CSDE1: variants seen among roughly 807,000 people sequenced by gnomAD.
CSDE1 encodes cold shock domain-containing protein E1.
In CSDE1, 17 loss-of-function variants were observed where a neutral mutation model predicts 89.3. The ratio of observed to expected loss-of-function variants is 0.19; its 90% CI spans 0.13 to 0.29. The LOEUF (loss-of-function observed/expected upper bound fraction) is 0.29, where lower values mean the gene tolerates loss of function less well. Among genes scored for constraint, CSDE1 ranks in the 10% least tolerant of loss-of-function variants. The pLI is 1.00. For missense variants in CSDE1, 672 were observed against 984.2 expected (o/e 0.68, Z 4.24); for synonymous variants, 322 against 332.8 (o/e 0.97, Z 0.35).
intron 6 of CSDE1, 91 bp downstream of exon 6, chr1:114,736,667 C>A: frequency 2.7e-6 from 2 of 727,488 alleles, no homozygotes; most frequent in South Asian, 3.6e-5. Flanking sequence ...TCCAGACTTA[C>A]AAGTTAGGTT....
rs6851 is a variant in CSDE1, at chr1:114,718,022, C to A, written c.*147G>T. ...TTTATTTATTTTTTTAAACATAACA[C>A]GAGGAAGGTGTTAAAACTGGTGTAA... On this transcript the variant is annotated 3_prime_UTR_variant, in exon 20 of 20. Coordinates refer to ENST00000358528, the MANE Select transcript of CSDE1 (RefSeq NM_001007553.3). 6 of 710,900 alleles carry A rather than the reference C, an allele frequency of 8.4e-6. No homozygotes were observed. Among genetic ancestry groups the A allele is most frequent in the Non-Finnish European group, 1.4e-5 (6 of 415,638 alleles). The allele number at this position is 710,900 out of a possible 1,614,324, so 44.0% of individuals were successfully genotyped here. A position where few individuals can be genotyped will look rare whatever the true frequency, so the allele number is the denominator to read the frequency against.
chr1:114,743,941 A>T (rs1023846985), intron 2 of CSDE1, among the ~76,000 whole-genome samples: 1 of 152,258 alleles, frequency 6.6e-6, no homozygotes, highest in East Asian at 1.9e-4. Context: ...TTGATGTGAC[A>T]TGTGACATGT....
rs556029866 is a variant in CSDE1, at chr1:114,733,798, A to G, written c.771T>C (p.Asp257=). The change falls in exon 9 of 20, where the codon GAT becomes GAC. Residue 257 remains aspartate, a synonymous_variant. Coordinates refer to ENST00000358528, the MANE Select transcript of CSDE1 (RefSeq NM_001007553.3). The part of the protein sequence containing the change: ...LLPQGTVIFE[D]ISIEHFEGTV... Reference sequence around the variant, plus strand: ...TTCCTTCAAAATGTTCAATGCTGATATCTTCAAAAATGACTGTTCCTTGAG... The same window carrying G: ...TTCCTTCAAAATGTTCAATGCTGATGTCTTCAAAAATGACTGTTCCTTGAG... 8 of 1,613,972 alleles carry G rather than the reference A, an allele frequency of 5.0e-6. No individual in the cohort carries two copies. The East Asian group carries it at 1.3e-4, about 27-fold the overall frequency.
chr1:114,753,297 C>G (rs1661406713), intron 1 of CSDE1, among the ~76,000 whole-genome samples: 1 of 134,428 alleles, frequency 7.4e-6, no homozygotes, highest in African/African-American at 2.9e-5. Flanking sequence ...AACTGAAACT[C>G]TGGAGTACTG....
intron 18 of CSDE1, 36 bp downstream of exon 18, chr1:114,719,543 G>C (rs752912139): frequency 1.9e-6 from 3 of 1,600,456 alleles, no homozygotes; most frequent in Non-Finnish European, 2.6e-6. Flanking sequence ...GACACTCCAG[G>C]GTAGTTACTA....
intron 2 of CSDE1, among the ~76,000 whole-genome samples, chr1:114,745,290 T>C (rs914040022): frequency 2.0e-5 from 3 of 152,240 alleles, no homozygotes; most frequent in African/African-American, 7.2e-5. Context: ...TTAACAAATA[T>C]ATTTTTGTAG....
intron 5 of CSDE1, among the ~76,000 whole-genome samples, chr1:114,737,179 A>G: frequency 6.6e-6 from 1 of 152,162 alleles, no homozygotes. Flanking sequence ...GTTAGTGCTT[A>G]AAAGAAACCA....
At chr1:114,730,135 A>T in intron 12 of CSDE1, 123 bp downstream of exon 12, 1 of 1,110,622 alleles carries the variant, frequency 9.0e-7, no homozygotes, top group Non-Finnish European at 1.3e-6. Flanking sequence ...GTTCACTGTT[A>T]ATATGACAGA....
Position 114,733,145 on chromosome 1 carries a change from A to C in CSDE1, c.838-329T>G, listed in dbSNP as rs1660196756. Among the ~76,000 whole-genome samples, 3 of 152,202 alleles carry C rather than the reference A, an allele frequency of 2.0e-5. No individual in the cohort carries two copies. The South Asian group carries it at 6.2e-4, about 32-fold the overall frequency. ...CAGGGGCAGAGGAGGGAACAAATGTACACCTGAACTGCAGTCTAATCCAAT... is the reference window on the plus strand; with the variant it reads ...CAGGGGCAGAGGAGGGAACAAATGTCCACCTGAACTGCAGTCTAATCCAAT... On this transcript the variant is annotated intron_variant, in intron 9 of 19. Transcript: ENST00000358528.
intron 7 of CSDE1, 147 bp downstream of exon 7, chr1:114,734,295 G>A: frequency 1.9e-6 from 2 of 1,042,570 alleles, no homozygotes; most frequent in Non-Finnish European, 2.8e-6. Context: ...AGCAACCAAG[G>A]AATTTTAAGA....
rs558231202 is a variant in CSDE1 at position 114,718,717 on chromosome 1, G to T, written c.2245C>A (p.Arg749=). The T allele has an allele frequency of 2.6e-5, 42 of 1,614,018 alleles. No homozygotes were observed. The highest frequency in any genetic ancestry group is 3.4e-5 in the Non-Finnish European group (40 of 1,180,028). ...CEGPKAVAAP[R]PDRLVNRLKN... is the part of the protein sequence containing the mutation. ...AAGCGATTGACCAACCGATCAGGTCGAGGAGCTGCAACAGCCTTGGGGCCC... is the reference window on the plus strand; with the variant it reads ...AAGCGATTGACCAACCGATCAGGTCTAGGAGCTGCAACAGCCTTGGGGCCC... The change falls in exon 19 of 20, where the codon CGA becomes AGA. Residue 749 remains arginine (R), a synonymous_variant. Coordinates refer to ENST00000358528, the MANE Select transcript of CSDE1 (RefSeq NM_001007553.3).
rs1178339919 is a variant in CSDE1 at position 114,717,907 on chromosome 1, C to G, written c.*262G>C. On this transcript the variant is annotated 3_prime_UTR_variant, in exon 20 of 20. Transcript: ENST00000358528. ...CAATTACCAGTTGCGTTAAATGCAC[C>G]AAATAAAGCTCCTAAAATTGATACT... is the stretch of plus-strand genomic sequence containing the variant. 2 of 435,686 alleles carry G rather than the reference C, an allele frequency of 4.6e-6. No homozygotes were observed. Among genetic ancestry groups the G allele is most frequent in the African/African-American group, 4.0e-5 (2 of 49,422 alleles). The allele number at this position is 435,686 out of a possible 1,614,324, so 27.0% of individuals were successfully genotyped here. A position where few individuals can be genotyped will look rare whatever the true frequency, so the allele number is the denominator to read the frequency against.
In CSDE1 at chr1:114,736,797, G is replaced by A. The variant is rs1042338793; in HGVS notation, c.461C>T (p.Thr154Ile). ...AATTACAAAGTTTATTTTATCTCCAGTTTCCAGCTGAACGTTCCCTTCGAC... is the reference window on the plus strand; with the variant it reads ...AATTACAAAGTTTATTTTATCTCCAATTTCCAGCTGAACGTTCCCTTCGAC... ...EDVEGNVQLETGDKINFVIDN... is the reference protein window; with the variant it reads ...EDVEGNVQLEIGDKINFVIDN... The change falls in exon 6 of 20, where the codon ACT becomes ATT. Residue 154 changes from threonine to isoleucine, a missense_variant. Physicochemically the swap from Thr to Ile is moderately conservative, Grantham distance 89. This residue lies in a region of CSDE1 where 124 missense variants were observed against 138.7 expected (regional missense o/e 0.89). Coordinates refer to ENST00000358528, the MANE Select transcript of CSDE1 (RefSeq NM_001007553.3). The A allele has an allele frequency of 1.2e-6, 2 of 1,612,990 alleles. No homozygotes were observed. Among genetic ancestry groups the A allele is most frequent in the South Asian group, 1.1e-5 (1 of 90,944 alleles).
chr1:114,742,818 T>A (rs758785094), intron 2 of CSDE1, among the ~76,000 whole-genome samples: 11 of 152,198 alleles, frequency 7.2e-5, no homozygotes, highest in Non-Finnish European at 1.5e-4. Context: ...CACACAAATG[T>A]AGATTTCCCT....
chr1:114,738,531 C>CA (rs1289566849), intron 3 of CSDE1, among the ~76,000 whole-genome samples: 1 of 151,908 alleles, frequency 6.6e-6, no homozygotes, highest in Non-Finnish European at 1.5e-5. Context: ...GAGGATTAAC[C>CA]AAAACAATGT....
At chr1:114,751,428 A>T (rs1661301154) in intron 1 of CSDE1, among the ~76,000 whole-genome samples, 1 of 152,248 alleles carries the variant, frequency 6.6e-6, no homozygotes, top group South Asian at 2.1e-4. Flanking sequence ...AGCTCAGACC[A>T]GAAGAGCCTA....
intron 2 of CSDE1, among the ~76,000 whole-genome samples, chr1:114,747,216 T>A (rs1056072387): frequency 2.0e-5 from 3 of 152,218 alleles, no homozygotes; most frequent in African/African-American, 7.2e-5. Flanking sequence ...TACCCTTCTA[T>A]ATATATTTGT....
intron 14 of CSDE1, among the ~76,000 whole-genome samples, chr1:114,725,560 T>G (rs1302211272): frequency 1.3e-5 from 2 of 152,194 alleles, no homozygotes; most frequent in Non-Finnish European, 2.9e-5. Context: ...AAGAAGTTAT[T>G]TGGTAAAAAT....
chr1:114,719,255 G>A (rs1473364996), intron 18 of CSDE1, among the ~76,000 whole-genome samples: 1 of 152,200 alleles, frequency 6.6e-6, no homozygotes, highest in Non-Finnish European at 1.5e-5. Flanking sequence ...TCTGCAGTGA[G>A]TCGTGATAGC....
Sources: allele counts gnomAD v4.1 joint callset (sites outside exome capture counted in the v4.1 genomes callset), GRCh38; gene constraint gnomAD v4.1.1; regional missense constraint gnomAD v4.1.1; transcripts MANE v1.5; gene names NCBI Gene and HGNC (gene_info 2026-07-23, HGNC 2026-07-21).